TP63: variants seen among roughly 807,000 people sequenced by gnomAD.
TP63 encodes tumor protein p63, also known as tumor protein 63.
TP63 carries 17 observed loss-of-function variants against 82.8 expected under a neutral mutation model. That is an observed-to-expected ratio of 0.21 (90% CI 0.14 to 0.31). The LOEUF is 0.31. Ranked by LOEUF, TP63 falls within the 10% of genes least tolerant of loss-of-function variation. The pLI is 1.00. For missense variants in TP63, 648 were observed against 895.3 expected (o/e 0.72, Z 3.52); for synonymous variants, 330 against 321.7 (o/e 1.03, Z -0.28).
At chr3:189,753,794 T>A (rs1369582779) in intron 3 of TP63, among the ~76,000 whole-genome samples, 2 of 152,120 alleles carry the variant, frequency 1.3e-5, no homozygotes, top group Non-Finnish European at 2.9e-5. Flanking sequence ...GTATTCAATT[T>A]TAATTTATCT....
intron 3 of TP63, among the ~76,000 whole-genome samples, chr3:189,775,981 G>A (rs1282465130): frequency 6.6e-6 from 1 of 152,160 alleles, no homozygotes; most frequent in East Asian, 1.9e-4. Flanking sequence ...GAGAAGGAGA[G>A]CCACTTGACA....
intron 3 of TP63, among the ~76,000 whole-genome samples, chr3:189,749,795 G>A (rs565519893): frequency 6.6e-6 from 1 of 152,130 alleles, no homozygotes; most frequent in African/African-American, 2.4e-5. Context: ...AAAATTTGGT[G>A]TATATATACA....
At chr3:189,665,641 C>T (rs4600802) in intron 1 of TP63, among the ~76,000 whole-genome samples, 118,819 of 151,998 alleles carry the variant, frequency 0.78, 48,703 homozygotes, top group Middle Eastern at 0.94. Flanking sequence ...CTAATTAATT[C>T]TGGAGTCACA....
chr3:189,787,128 T>C (rs1193842849), intron 3 of TP63, among the ~76,000 whole-genome samples: 1 of 141,306 alleles, frequency 7.1e-6, no homozygotes, highest in Non-Finnish European at 1.7e-5. Context: ...GCAAAAAATA[T>C]GGATTTTCCA....
intron 1 of TP63, among the ~76,000 whole-genome samples, chr3:189,644,978 G>A (rs944168568): frequency 2.0e-5 from 3 of 150,288 alleles, no homozygotes; most frequent in African/African-American, 7.4e-5. Context: ...ACCCAATTCA[G>A]TTTGAGACAG....
intron 1 of TP63, among the ~76,000 whole-genome samples, chr3:189,647,565 C>T (rs749168326): frequency 6.8e-6 from 1 of 146,486 alleles, no homozygotes; most frequent in Non-Finnish European, 1.5e-5. Context: ...AAAGCCATTG[C>T]AAGCTCTACG....
intron 1 of TP63, among the ~76,000 whole-genome samples, chr3:189,703,683 C>G (rs1404310940): frequency 6.6e-6 from 1 of 152,158 alleles, no homozygotes; most frequent in South Asian, 2.1e-4. Flanking sequence ...AGAAAGTGCA[C>G]TAACACCCCA....
At chr3:189,745,708 CAAAAAAA>C (rs71298529) in intron 3 of TP63, among the ~76,000 whole-genome samples, 1 of 17,790 alleles carries the variant, frequency 5.6e-5, no homozygotes, top group African/African-American at 2.0e-4. Context: ...AACTCCATCT[CAAAAAAA>C]AAAAAAAAAA....
intron 1 of TP63, among the ~76,000 whole-genome samples, chr3:189,705,616 T>G (rs1490937224): frequency 6.6e-6 from 1 of 152,088 alleles, no homozygotes; most frequent in Admixed American, 6.6e-5. Flanking sequence ...GAACCTCTAG[T>G]CAATGGGAGA....
chr3:189,744,389 G>C (rs1387006792), intron 3 of TP63, among the ~76,000 whole-genome samples: 1 of 152,096 alleles, frequency 6.6e-6, no homozygotes, highest in Non-Finnish European at 1.5e-5. Context: ...CCCTGCTTCT[G>C]CTTACCACAA....
chr3:189,601,067 T>C, the TP63 span, among the ~76,000 whole-genome samples: 1 of 152,318 alleles, frequency 6.6e-6, no homozygotes, highest in Admixed American at 6.5e-5. Flanking sequence ...TTACACTTCA[T>C]TTTCTTTCTA....
At chr3:189,870,873 C>A (rs1055321555) in intron 9 of TP63, among the ~76,000 whole-genome samples, 1 of 152,116 alleles carries the variant, frequency 6.6e-6, no homozygotes, top group East Asian at 1.9e-4. Flanking sequence ...ATTGAACTAA[C>A]GAAAGTCAAC....
chr3:189,835,469 A>G (rs1332004292), intron 4 of TP63, among the ~76,000 whole-genome samples: 2 of 152,196 alleles, frequency 1.3e-5, no homozygotes, highest in South Asian at 2.1e-4. Context: ...AATACTTACC[A>G]TGGTGTGTAT....
At chr3:189,703,291 G>C (rs897636926) in intron 1 of TP63, among the ~76,000 whole-genome samples, 1 of 152,170 alleles carries the variant, frequency 6.6e-6, no homozygotes, top group Admixed American at 6.5e-5. Flanking sequence ...AAAATTAGCT[G>C]GTCGTGGGGG....
intron 4 of TP63, among the ~76,000 whole-genome samples, chr3:189,853,610 A>ACACT (rs1715923491): frequency 6.6e-6 from 1 of 152,174 alleles, no homozygotes; most frequent in South Asian, 2.1e-4. Flanking sequence ...TATCCTCTTC[A>ACACT]CACTCACTCC....
intron 1 of TP63, 72 bp from the exon 2 acceptor site, chr3:189,737,668 A>G (rs1720694486): frequency 3.9e-6 from 6 of 1,526,678 alleles, no homozygotes; most frequent in Non-Finnish European, 2.7e-6. Flanking sequence ...ATGATAGAGT[A>G]TGCTTTAATT....
At chr3:189,751,786 T>G (rs1428816552) in intron 3 of TP63, among the ~76,000 whole-genome samples, 1 of 152,232 alleles carries the variant, frequency 6.6e-6, no homozygotes, top group Non-Finnish European at 1.5e-5. Context: ...TTCTCTCTGA[T>G]GATAGTTTCT....
intron 1 of TP63, among the ~76,000 whole-genome samples, chr3:189,674,070 CCA>C (rs1183973233): frequency 6.6e-6 from 1 of 152,078 alleles, no homozygotes; most frequent in Non-Finnish European, 1.5e-5. Flanking sequence ...GGTGAGAAAT[CCA>C]GGCTTATTTA....
At chr3:189,874,498 C>G (rs754316277) in intron 10 of TP63, among the ~76,000 whole-genome samples, 4 of 152,178 alleles carry the variant, frequency 2.6e-5, no homozygotes, top group African/African-American at 9.7e-5. Flanking sequence ...TCAAAGGACT[C>G]TAAGCTATTT....
Sources: allele counts gnomAD v4.1 joint callset (sites outside exome capture counted in the v4.1 genomes callset), GRCh38; gene constraint gnomAD v4.1.1; transcripts MANE v1.5; gene names NCBI Gene and HGNC (gene_info 2026-07-23, HGNC 2026-07-21).